MCU: variants seen among roughly 807,000 people sequenced by gnomAD.
MCU encodes the protein calcium uniporter protein, mitochondrial.
Under a neutral mutation model 45.2 loss-of-function variants are expected in MCU, and 12 were observed. The ratio of observed to expected loss-of-function variants is 0.27; its 90% CI spans 0.17 to 0.43. The LOEUF is 0.43. Among genes scored for constraint, MCU ranks in the 20% least tolerant of loss-of-function variants. The pLI, the probability that MCU is intolerant of heterozygous loss-of-function variation, is 1.00. For synonymous variants in MCU, 160 were observed against 165.1 expected (o/e 0.97, Z 0.24); for missense variants, 324 against 436.7 (o/e 0.74, Z 2.30).
intron 2 of MCU, among the ~76,000 whole-genome samples, chr10:72,835,326 G>A (rs1844941283): frequency 6.6e-6 from 1 of 152,238 alleles, no homozygotes; most frequent in African/African-American, 2.4e-5. Context: ...TCTCTTACCC[G>A]GTATTGTGCA....
At chr10:72,838,680 T>C (rs948684396) in intron 2 of MCU, among the ~76,000 whole-genome samples, 3 of 152,196 alleles carry the variant, frequency 2.0e-5, no homozygotes, top group Non-Finnish European at 4.4e-5. Context: ...AGAGTTGTTA[T>C]GTTTATCTTG....
Position 72,771,847 on chromosome 10 carries a change from G to T in MCU, c.151-62512G>T, listed in dbSNP as rs1843813650. 2.0e-5 allele frequency among the ~76,000 whole-genome samples: 3 copies of T among 152,240 alleles called. No homozygotes were observed. The South Asian group carries it at 6.2e-4, about 32-fold the overall frequency. ...GCCCTCCTCCCCACTACTGGCCCCAGTAGGGCCACAGAGAAGTGAAAAATT... is the reference window on the plus strand; with the variant it reads ...GCCCTCCTCCCCACTACTGGCCCCATTAGGGCCACAGAGAAGTGAAAAATT... On this transcript the variant is annotated intron_variant, in intron 1 of 7. Coordinates refer to ENST00000373053, the MANE Select transcript of MCU (RefSeq NM_138357.3).
intron 5 of MCU, among the ~76,000 whole-genome samples, chr10:72,869,459 G>A (rs1845506940): frequency 6.6e-6 from 1 of 152,178 alleles, no homozygotes; most frequent in Non-Finnish European, 1.5e-5. Flanking sequence ...GTGGTATCAT[G>A]TGCCTATAGT....
intron 1 of MCU, among the ~76,000 whole-genome samples, chr10:72,743,070 G>A (rs959787181): frequency 5.3e-5 from 8 of 151,818 alleles, no homozygotes; most frequent in Non-Finnish European, 8.8e-5. Flanking sequence ...TGATCATCAT[G>A]TTGTATTTAT....
Position 72,766,062 on chromosome 10 carries a change from G to A in MCU, c.151-68297G>A, listed in dbSNP as rs546900933. On this transcript the variant is annotated intron_variant, in intron 1 of 7. Transcript: ENST00000373053. The stretch of plus-strand genomic sequence containing the variant: ...TTAAATTTTTTGTAGAGATGTGGGG[G>A]TCTCACTGTTTTGCGGGCTAGTCTT... Among the ~76,000 whole-genome samples the A allele has an allele frequency of 3.9e-5, 6 of 152,124 alleles. No homozygotes were observed. In the South Asian group the frequency reaches 6.2e-4, roughly 16 times the overall value.
intron 4 of MCU, among the ~76,000 whole-genome samples, chr10:72,862,816 T>C (rs1589502236): frequency 1.3e-5 from 2 of 151,804 alleles, no homozygotes; most frequent in Non-Finnish European, 2.9e-5. Flanking sequence ...CCCAGCACTT[T>C]AGGAAGCCGA....
intron 4 of MCU, among the ~76,000 whole-genome samples, chr10:72,862,185 G>T (rs1209705101): frequency 6.6e-6 from 1 of 151,874 alleles, no homozygotes; most frequent in Non-Finnish European, 1.5e-5. Context: ...GTTTCACCGT[G>T]TTAGCCAGGA....
intron 1 of MCU, among the ~76,000 whole-genome samples, chr10:72,810,461 CTTTTTTTTTTTTTT>C (rs751918414): frequency 4.1e-5 from 3 of 73,408 alleles, no homozygotes; most frequent in African/African-American, 1.1e-4. Flanking sequence ...ATTATGTTGC[CTTTTTTTTTTTTTT>C]TTTTTTTTTT....
In MCU at chr10:72,833,136, G is replaced by A. The variant is rs183509133; in HGVS notation, c.151-1223G>A. The stretch of plus-strand genomic sequence containing the variant: ...GCATGAACAGAATAGAATTTCAGAA[G>A]TAGATCCAAATTCATGTAATTATTT... On this transcript the variant is annotated intron_variant, in intron 1 of 7. Coordinates refer to ENST00000373053, the MANE Select transcript of MCU (RefSeq NM_138357.3). 6.0e-3 allele frequency among the ~76,000 whole-genome samples: 906 copies of A among 152,254 alleles called. 12 individuals are homozygous for A. The highest frequency in any genetic ancestry group is 0.021 in the African/African-American group (852 of 41,534).
At chr10:72,839,150 C>T (rs757615741) in intron 2 of MCU, among the ~76,000 whole-genome samples, 9 of 151,940 alleles carry the variant, frequency 5.9e-5, no homozygotes, top group Non-Finnish European at 1.2e-4. Flanking sequence ...CCATCACGCC[C>T]GACTGATTTT....
At chr10:72,867,278 A>G (rs559821118) in intron 4 of MCU, among the ~76,000 whole-genome samples, 1 of 152,084 alleles carries the variant, frequency 6.6e-6, no homozygotes, top group Non-Finnish European at 1.5e-5. Context: ...TTTAAAGTTA[A>G]TAAGAATCTA....
At position 72,718,508 on chromosome 10, in the gene MCU, C is replaced by T. The variant is rs534652866; in HGVS notation, c.150+26207C>T. ...AAAGTAGTTTTGGAGTCCATACCTT[C>T]TGATGAATCTATTAATCATTCATAT... On this transcript the variant is annotated intron_variant, in intron 1 of 7. Transcript: ENST00000373053. Among the ~76,000 whole-genome samples the T allele has an allele frequency of 4.6e-5, 7 of 152,318 alleles. No individual in the cohort carries two copies. In the South Asian group the frequency reaches 1.4e-3, roughly 32 times the overall value.
At chr10:72,770,526 T>C (rs1021628933) in intron 1 of MCU, among the ~76,000 whole-genome samples, 16 of 152,142 alleles carry the variant, frequency 1.1e-4, no homozygotes, top group Non-Finnish European at 1.9e-4. Context: ...GGTATATATG[T>C]TACAAACCTA....
chr10:72,859,090 T>C, intron 2 of MCU, 87 bp from the exon 3 acceptor site: 1 of 1,238,336 alleles, frequency 8.1e-7, no homozygotes. Flanking sequence ...ACACTAATAA[T>C]AGACCCCCAT....
chr10:72,859,796 T>A (rs1845348997), intron 3 of MCU, among the ~76,000 whole-genome samples: 1 of 152,212 alleles, frequency 6.6e-6, no homozygotes, highest in South Asian at 2.1e-4. Flanking sequence ...GTATTTAATT[T>A]ATTTATTTTT....
At chr10:72,692,589 C>A (rs1020636113) in intron 1 of MCU, 1 of 1,098,726 alleles carries the variant, frequency 9.1e-7, no homozygotes. Context: ...AACCTCTCCC[C>A]GACTCGCCCC....
intron 1 of MCU, among the ~76,000 whole-genome samples, chr10:72,825,479 A>G (rs1228185461): frequency 6.6e-6 from 1 of 152,220 alleles, no homozygotes. Context: ...GCTCTTCTAC[A>G]AAATACAAAA....
chr10:72,807,297 A>C (rs1310117082), intron 1 of MCU, among the ~76,000 whole-genome samples: 1 of 152,074 alleles, frequency 6.6e-6, no homozygotes, highest in African/African-American at 2.4e-5. Context: ...GAGAATTTTG[A>C]GGAGTATATT....
chr10:72,739,759 C>G (rs1843300392), intron 1 of MCU, among the ~76,000 whole-genome samples: 1 of 151,592 alleles, frequency 6.6e-6, no homozygotes, highest in South Asian at 2.1e-4. Context: ...TCACTGCAAC[C>G]TCCGCCTCCT....
Sources: gnomAD v4.1 joint callset for allele counts (sites outside exome capture counted in the v4.1 genomes callset) on GRCh38, gnomAD v4.1.1 for gene constraint, MANE v1.5 for transcripts, NCBI Gene and HGNC (gene_info 2026-07-23, HGNC 2026-07-21) for gene names.